Variants in CD99 observed in about 807,000 individuals in gnomAD.
CD99 encodes the protein CD99 antigen.
In CD99, 19 loss-of-function variants were observed where a neutral mutation model predicts 28.4. The ratio of observed to expected loss-of-function variants is 0.67; its 90% CI spans 0.47 to 0.98. The LOEUF is 0.98. Ranked by LOEUF, CD99 falls within the 50% of genes least tolerant of loss-of-function variation. The probability of loss-of-function intolerance (pLI) is 0.00; values close to 1 mark genes in which losing one functional copy is unlikely to be tolerated. For synonymous variants in CD99, 103 were observed against 92.1 expected (o/e 1.12, Z -0.67); for missense variants, 283 against 248.8 (o/e 1.14, Z -0.92).
intron 6 of CD99, among the ~76,000 whole-genome samples, chrX:2,722,988 A>G (rs28744424): frequency 0.075 from 11,397 of 152,266 alleles, 1,371 homozygotes; most frequent in African/African-American, 0.25. Flanking sequence ...GTGTTCTTGC[A>G]AATAACTAGT....
chrX:2,736,814 G>A (rs766574652), intron 8 of CD99, among the ~76,000 whole-genome samples: 213 of 151,840 alleles, frequency 1.4e-3, no homozygotes, highest in Non-Finnish European at 2.0e-3. Flanking sequence ...CTGATATCGC[G>A]CCACTGCACT....
intron 1 of CD99, among the ~76,000 whole-genome samples, chrX:2,701,931 G>A (rs1278995709): frequency 1.3e-5 from 2 of 152,188 alleles, no homozygotes; most frequent in Admixed American, 6.5e-5. Context: ...CTGCAGAGTT[G>A]ACCACACGTT....
chrX:2,725,048 C>T (rs1423579526), intron 7 of CD99, among the ~76,000 whole-genome samples: 1 of 147,400 alleles, frequency 6.8e-6, no homozygotes, highest in Non-Finnish European at 1.5e-5. Flanking sequence ...GGCAACAGAG[C>T]AAGACTCTGT....
chrX:2,739,718 T>C (rs1175997339), intron 9 of CD99, among the ~76,000 whole-genome samples: 1 of 149,784 alleles, frequency 6.7e-6, no homozygotes, highest in African/African-American at 2.4e-5. Flanking sequence ...CCTCCCAAAG[T>C]GCTAGGATTA....
intron 1 of CD99, chrX:2,691,813 C>T (rs368027133): frequency 1.0e-5 from 8 of 776,096 alleles, no homozygotes; most frequent in Admixed American, 1.7e-5. Flanking sequence ...GTCTTCAGGC[C>T]GCGCGCGGAG....
At chrX:2,691,862 C>T in intron 1 of CD99, 1 of 778,846 alleles carries the variant, frequency 1.3e-6, no homozygotes, top group Non-Finnish European at 2.4e-6. Context: ...CGCCCTGCGT[C>T]CCGGGCCTAA....
intron 1 of CD99, among the ~76,000 whole-genome samples, chrX:2,704,420 C>G (rs2048025373): frequency 6.7e-6 from 1 of 150,312 alleles, no homozygotes; most frequent in African/African-American, 2.5e-5. Flanking sequence ...TGCATATAAT[C>G]TTTTTCTTTT....
chrX:2,740,193 A>G (rs2050135425), intron 9 of CD99, among the ~76,000 whole-genome samples: 1 of 152,192 alleles, frequency 6.6e-6, no homozygotes, highest in Non-Finnish European at 1.5e-5. Context: ...TAAAGAGAAA[A>G]GGAAGATTCC....
chrX:2,714,405 C>G lies in CD99; in HGVS notation c.68-17C>G, dbSNP rs181427355. 6.4e-7 allele frequency: 1 copy of G among 1,565,674 alleles called. No homozygotes were observed. The highest frequency in any genetic ancestry group is 8.8e-7 in the Non-Finnish European group (1 of 1,142,684). On this transcript the variant is annotated splice_polypyrimidine_tract_variant and intron_variant, in intron 1 of 9. Transcript: ENST00000381192. The stretch of plus-strand genomic sequence containing the variant: ...TATTTTTCTTGTTTCTAAGTTGACT[C>G]TTTTTTTCTCTCTTAGATGGTGGTT...
Position 2,737,898 on chromosome X carries a change from GT to G in CD99, c.476-301del, listed in dbSNP as rs2050026578. 8 of 564,136 alleles carry G rather than the reference GT, an allele frequency of 1.4e-5. No individual in the cohort carries two copies. The South Asian group carries it at 1.6e-4, about 11-fold the overall frequency. The allele number at this position is 564,136 out of a possible 1,614,324, so 34.9% of individuals were successfully genotyped here. A position where few individuals can be genotyped will look rare whatever the true frequency, so the allele number is the denominator to read the frequency against. ...TTTTATAGAAAGAGCTTCCATGTGCGTGTTCCTCAGTGTTTAGGGAGAAGAA... is the reference window on the plus strand; with the variant it reads ...TTTTATAGAAAGAGCTTCCATGTGCGGTTCCTCAGTGTTTAGGGAGAAGAA... On this transcript the variant is annotated intron_variant, in intron 8 of 9. Coordinates refer to ENST00000381192, the MANE Select transcript of CD99 (RefSeq NM_002414.5).
rs1446964765 is a variant in CD99 at position 2,740,824 on chromosome X, G to A, written c.*20G>A. Reference sequence around the variant, plus strand: ...AAATAGAAGATTGTCGGCAGAAACAGCCCAGGCGTTGGCAGCAGGGTTAGA... The same window carrying A: ...AAATAGAAGATTGTCGGCAGAAACAACCCAGGCGTTGGCAGCAGGGTTAGA... On this transcript the variant is annotated 3_prime_UTR_variant, in exon 10 of 10. Coordinates refer to ENST00000381192, the MANE Select transcript of CD99 (RefSeq NM_002414.5). 6.2e-7 allele frequency: 1 copy of A among 1,613,880 alleles called. No individual in the cohort carries two copies. Among genetic ancestry groups the A allele is most frequent in the Non-Finnish European group, 8.5e-7 (1 of 1,179,802 alleles).
At chrX:2,737,613 G>C (rs2050010581) in intron 8 of CD99, among the ~76,000 whole-genome samples, 1 of 151,608 alleles carries the variant, frequency 6.6e-6, no homozygotes, top group Admixed American at 6.6e-5. Context: ...TCCTGCCTCA[G>C]CCTCCCGAGT....
At chrX:2,712,660 G>A (rs140951481) in intron 1 of CD99, among the ~76,000 whole-genome samples, 224 of 152,172 alleles carry the variant, frequency 1.5e-3, no homozygotes, top group African/African-American at 5.3e-3. Flanking sequence ...GGGCTCTGAG[G>A]TTGTGGAAAC....
Position 2,726,372 on chromosome X carries a change from T to C in CD99, c.474T>C (p.Asn158=). The change falls in exon 8 of 10, where the codon AAT becomes AAC. Residue 158 remains asparagine, a splice_region_variant and synonymous_variant. Transcript: ENST00000381192. ...AAAAGAAGCTATGCTTCAAAGAAAATGGTAAGTCTCAGTCCGCCGGTGCCT... is the reference window on the plus strand; with the variant it reads ...AAAAGAAGCTATGCTTCAAAGAAAACGGTAAGTCTCAGTCCGCCGGTGCCT... ...YQKKKLCFKE[N]AEQGEVDMES... 1.3e-6 allele frequency: 2 copies of C among 1,590,806 alleles called. No homozygotes were observed. The highest frequency in any genetic ancestry group is 1.7e-6 in the Non-Finnish European group (2 of 1,159,988).
At chrX:2,705,863 T>C (rs1402574689) in intron 1 of CD99, among the ~76,000 whole-genome samples, 1 of 151,932 alleles carries the variant, frequency 6.6e-6, no homozygotes, top group Non-Finnish European at 1.5e-5. Flanking sequence ...TAAAATGAAA[T>C]GTATCAGCTG....
chrX:2,719,402 C>A, intron 3 of CD99: 1 of 506,078 alleles, frequency 2.0e-6, no homozygotes, highest in Non-Finnish European at 3.5e-6. Context: ...TCTCTCTCCC[C>A]ACTGCCTCTC....
intron 8 of CD99, chrX:2,733,581 A>C: frequency 1.8e-6 from 1 of 564,654 alleles, no homozygotes; most frequent in Non-Finnish European, 3.2e-6. Flanking sequence ...ACAGAAGCTC[A>C]TTATAGCAAA....
chrX:2,706,321 C>G (rs374352095), intron 1 of CD99, among the ~76,000 whole-genome samples: 186 of 152,218 alleles, frequency 1.2e-3, no homozygotes, highest in African/African-American at 4.3e-3. Context: ...AATCGGGCCA[C>G]CGCACTCCAG....
At chrX:2,711,261 G>C (rs995822850) in intron 1 of CD99, among the ~76,000 whole-genome samples, 1 of 147,052 alleles carries the variant, frequency 6.8e-6, no homozygotes, top group Non-Finnish European at 1.5e-5. Flanking sequence ...ATATATATTT[G>C]TATAAATATA....
Sources: allele counts gnomAD v4.1 joint callset (sites outside exome capture counted in the v4.1 genomes callset), GRCh38; gene constraint gnomAD v4.1.1; transcripts MANE v1.5; gene names NCBI Gene and HGNC (gene_info 2026-07-23, HGNC 2026-07-21).